TMEM267: variants seen among roughly 807,000 people sequenced by gnomAD.
TMEM267 encodes the protein transmembrane protein C5orf28.
TMEM267 carries 20 observed loss-of-function variants against 19.3 expected under a neutral mutation model. The ratio of observed to expected loss-of-function variants is 1.04; its 90% CI spans 0.73 to 1.51. The LOEUF is 1.51. TMEM267 is among the 40% of genes most tolerant of loss of function. The pLI is 0.00. For missense variants in TMEM267, 242 were observed against 261.9 expected, an observed-to-expected ratio of 0.92 and a Z score of 0.52; for synonymous variants, 88 against 90.3, an observed-to-expected ratio of 0.97 and a Z score of 0.15.
intron 1 of TMEM267, among the ~76,000 whole-genome samples, chr5:43,478,556 T>C (rs573587435): frequency 5.3e-5 from 8 of 152,280 alleles, no homozygotes; most frequent in African/African-American, 1.9e-4. Context: ...AAAAATCTGA[T>C]AGGCATGACT....
At chr5:43,480,376 T>C (rs1378589454) in intron 1 of TMEM267, among the ~76,000 whole-genome samples, 3 of 151,794 alleles carry the variant, frequency 2.0e-5, no homozygotes, top group South Asian at 2.1e-4. Context: ...TGCAGTGGCA[T>C]GGTGCTAGGT....
At chr5:43,451,940 T>C (rs887910774) in intron 2 of TMEM267, among the ~76,000 whole-genome samples, 5 of 151,314 alleles carry the variant, frequency 3.3e-5, no homozygotes, top group African/African-American at 1.2e-4. Flanking sequence ...TAGCCTGGCA[T>C]GGTGGCATGT....
At chr5:43,462,078 G>A (rs1220397721) in intron 1 of TMEM267, among the ~76,000 whole-genome samples, 1 of 152,184 alleles carries the variant, frequency 6.6e-6, no homozygotes, top group African/African-American at 2.4e-5. Flanking sequence ...AGCTTTAGGT[G>A]GCTCAGAACA....
At chr5:43,447,456 G>C (rs1742318044) in intron 2 of TMEM267, among the ~76,000 whole-genome samples, 1 of 152,014 alleles carries the variant, frequency 6.6e-6, no homozygotes, top group African/African-American at 2.4e-5. Flanking sequence ...AAAAATTTCA[G>C]GCTTAATCCC....
intron 2 of TMEM267, among the ~76,000 whole-genome samples, chr5:43,453,388 G>A (rs561099087): frequency 2.0e-5 from 3 of 152,166 alleles, no homozygotes; most frequent in Non-Finnish European, 4.4e-5. Context: ...CTGGCTAAAC[G>A]CATCCTCTGT....
intron 1 of TMEM267, among the ~76,000 whole-genome samples, chr5:43,464,868 G>A (rs924468965): frequency 6.6e-6 from 1 of 152,142 alleles, no homozygotes; most frequent in Non-Finnish European, 1.5e-5. Flanking sequence ...AGAAAACCTA[G>A]TCAATACCAT....
chr5:43,452,539 T>G (rs1253097335), intron 2 of TMEM267, among the ~76,000 whole-genome samples: 2 of 148,652 alleles, frequency 1.3e-5, no homozygotes, highest in Admixed American at 1.4e-4. Flanking sequence ...TTTACCGCTA[T>G]GCAATACATA....
intron 1 of TMEM267, among the ~76,000 whole-genome samples, chr5:43,476,895 T>A (rs202069515): frequency 1.9e-4 from 29 of 149,308 alleles, no homozygotes; most frequent in East Asian, 1.2e-3. Flanking sequence ...AAAAAAAAAA[T>A]ATTAAAATTT....
intron 1 of TMEM267, among the ~76,000 whole-genome samples, chr5:43,459,215 A>T (rs1040096277): frequency 5.3e-5 from 8 of 152,146 alleles, no homozygotes; most frequent in African/African-American, 1.9e-4. Flanking sequence ...TTTGGGGGGT[A>T]GGGGAAACTG....
chr5:43,466,571 T>C (rs1743691988), intron 1 of TMEM267, among the ~76,000 whole-genome samples: 1 of 152,038 alleles, frequency 6.6e-6, no homozygotes, highest in South Asian at 2.1e-4. Flanking sequence ...GGTACAAAAC[T>C]CACTGGTAAT....
At chr5:43,478,771 G>T (rs1013895084) in intron 1 of TMEM267, among the ~76,000 whole-genome samples, 1 of 152,060 alleles carries the variant, frequency 6.6e-6, no homozygotes, top group Non-Finnish European at 1.5e-5. Flanking sequence ...AATATGAAAA[G>T]ATTTCAATCT....
At chr5:43,466,016 T>A (rs1743646273) in intron 1 of TMEM267, among the ~76,000 whole-genome samples, 2 of 151,576 alleles carry the variant, frequency 1.3e-5, no homozygotes, top group Non-Finnish European at 2.9e-5. Context: ...GGAATAAACT[T>A]TTTAAAACTT....
intron 1 of TMEM267, among the ~76,000 whole-genome samples, chr5:43,473,401 A>G (rs1034349959): frequency 3.9e-5 from 6 of 152,200 alleles, no homozygotes; most frequent in African/African-American, 1.4e-4. Context: ...AAGCAACTTC[A>G]GCAAAGTCTC....
intron 1 of TMEM267, among the ~76,000 whole-genome samples, chr5:43,470,490 T>C (rs1433911431): frequency 6.6e-6 from 1 of 152,156 alleles, no homozygotes; most frequent in African/African-American, 2.4e-5. Context: ...ACTCCCAAAA[T>C]GTATAAAAGC....
At chr5:43,455,668 C>A (rs1026777585) in intron 1 of TMEM267, among the ~76,000 whole-genome samples, 17 of 152,118 alleles carry the variant, frequency 1.1e-4, no homozygotes, top group Non-Finnish European at 1.5e-4. Context: ...CTGCCTCAGC[C>A]TCTCAAGTAG....
chr5:43,463,481 A>T (rs1407152330), intron 1 of TMEM267, among the ~76,000 whole-genome samples: 1 of 152,160 alleles, frequency 6.6e-6, no homozygotes, highest in Non-Finnish European at 1.5e-5. Flanking sequence ...GCAGAGACAC[A>T]ACCAAAAAAG....
intron 1 of TMEM267, among the ~76,000 whole-genome samples, chr5:43,460,837 C>T (rs1055937887): frequency 1.1e-4 from 16 of 152,236 alleles, no homozygotes; most frequent in African/African-American, 2.7e-4. Context: ...CTGCAAACCT[C>T]GCCACTGAGG....
intron 1 of TMEM267, among the ~76,000 whole-genome samples, chr5:43,455,726 G>C (rs1742909906): frequency 6.6e-6 from 1 of 151,966 alleles, no homozygotes; most frequent in East Asian, 1.9e-4. Flanking sequence ...TTTTTTGTTT[G>C]TATTTTTAGT....
At chr5:43,461,063 C>A (rs1743228192) in intron 1 of TMEM267, among the ~76,000 whole-genome samples, 1 of 152,200 alleles carries the variant, frequency 6.6e-6, no homozygotes, top group South Asian at 2.1e-4. Flanking sequence ...AAAGAGACCC[C>A]TTCTTTTTGC....
Sources: gnomAD v4.1 joint callset for allele counts (sites outside exome capture counted in the v4.1 genomes callset) on GRCh38, gnomAD v4.1.1 for gene constraint, MANE v1.5 for transcripts, NCBI Gene and HGNC (gene_info 2026-07-23, HGNC 2026-07-21) for gene names.